Variants in ZNF610 observed in about 807,000 individuals in gnomAD.
ZNF610 encodes the protein zink finger protein.
In ZNF610, 14 loss-of-function variants were observed where a neutral mutation model predicts 14.1. That is an observed-to-expected ratio of 0.99 (90% CI 0.65 to 1.55). The LOEUF is 1.55. ZNF610 is among the 40% of genes most tolerant of loss of function. The pLI is 0.00. For missense variants in ZNF610, 530 were observed against 558.0 expected (o/e 0.95, Z 0.51); for synonymous variants, 185 against 187.6 (o/e 0.99, Z 0.11).
chr19:52,364,621 G>A (rs950202155), intron 5 of ZNF610, among the ~76,000 whole-genome samples: 2 of 152,176 alleles, frequency 1.3e-5, no homozygotes, highest in African/African-American at 4.8e-5. Context: ...AGAGTGCTGT[G>A]GCGCGATCTT....
chr19:52,335,794 C>T (rs1984346170), upstream of ZNF610, among the ~76,000 whole-genome samples: 1 of 152,130 alleles, frequency 6.6e-6, no homozygotes, highest in Admixed American at 6.5e-5. Flanking sequence ...TAACTTGCAT[C>T]GCCTTCACAC....
At chr19:52,358,721 A>C (rs1985646273) in intron 5 of ZNF610, among the ~76,000 whole-genome samples, 1 of 152,152 alleles carries the variant, frequency 6.6e-6, no homozygotes, top group Non-Finnish European at 1.5e-5. Flanking sequence ...CCAGGGAAGC[A>C]TTATTGAATC....
intron 3 of ZNF610, among the ~76,000 whole-genome samples, chr19:52,351,512 G>T (rs1239921440): frequency 6.6e-6 from 1 of 151,254 alleles, no homozygotes; most frequent in Non-Finnish European, 1.5e-5. Context: ...GCCTGGCGTG[G>T]TTCAGGGACC....
chr19:52,338,704 GTTTT>G (rs920987375), intron 1 of ZNF610, among the ~76,000 whole-genome samples: 1 of 151,338 alleles, frequency 6.6e-6, no homozygotes, highest in Admixed American at 6.6e-5. Context: ...TAGTAAACAT[GTTTT>G]TTTTTCTTTG....
intron 4 of ZNF610, 129 bp from the exon 5 acceptor site, chr19:52,354,122 G>T (rs1391753163): frequency 1.5e-6 from 2 of 1,296,808 alleles, no homozygotes; most frequent in Non-Finnish European, 2.1e-6. Flanking sequence ...TTCAGAAGGA[G>T]CCAGTCTGTG....
chr19:52,346,051 T>C (rs1984938703), intron 1 of ZNF610, among the ~76,000 whole-genome samples: 1 of 151,382 alleles, frequency 6.6e-6, no homozygotes, highest in African/African-American at 2.5e-5. Context: ...CAGGCTGGAA[T>C]GTAGTAGTGT....
intron 2 of ZNF610, among the ~76,000 whole-genome samples, chr19:52,348,828 T>A (rs1315570686): frequency 6.6e-6 from 1 of 152,106 alleles, no homozygotes; most frequent in Non-Finnish European, 1.5e-5. Context: ...CTGGGATCCA[T>A]AGAGAGGGGA....
intron 1 of ZNF610, among the ~76,000 whole-genome samples, chr19:52,343,099 A>G (rs912519111): frequency 2.0e-5 from 3 of 152,116 alleles, no homozygotes; most frequent in African/African-American, 7.2e-5. Context: ...TATGTCCAAA[A>G]GAGACCCTGA....
chr19:52,358,535 A>T (rs2122263721), intron 5 of ZNF610, among the ~76,000 whole-genome samples: 1 of 152,278 alleles, frequency 6.6e-6, no homozygotes, highest in African/African-American at 2.4e-5. Context: ...TAGGAGTTTT[A>T]TGTATTTTAG....
chr19:52,353,950 C>G, intron 4 of ZNF610, 142 bp downstream of exon 4: 1 of 1,172,450 alleles, frequency 8.5e-7, no homozygotes, highest in Non-Finnish European at 1.2e-6. Context: ...CTATTATGCT[C>G]TCTGGATTTG....
intron 5 of ZNF610, among the ~76,000 whole-genome samples, chr19:52,365,257 TTGTGACAGG>T (rs967343755): frequency 6.6e-6 from 1 of 150,716 alleles, no homozygotes; most frequent in Non-Finnish European, 1.5e-5. Flanking sequence ...AAAAAAAGAA[TTGTGACAGG>T]TGTGACAGGG....
At chr19:52,354,671 C>G (rs1297599217) in intron 5 of ZNF610, among the ~76,000 whole-genome samples, 1 of 148,494 alleles carries the variant, frequency 6.7e-6, no homozygotes, top group Non-Finnish European at 1.5e-5. Flanking sequence ...TTCTGCCTCC[C>G]AGGTTCAAGT....
chr19:52,334,538 T>C (rs1308211515), upstream of ZNF610, among the ~76,000 whole-genome samples: 1 of 151,944 alleles, frequency 6.6e-6, no homozygotes, highest in African/African-American at 2.4e-5. Context: ...TAAAGTAATT[T>C]ATAAAATTAA....
chr19:52,345,878 GTAT>G (rs986470494), intron 1 of ZNF610, among the ~76,000 whole-genome samples: 4 of 150,570 alleles, frequency 2.7e-5, no homozygotes, highest in African/African-American at 9.9e-5. Flanking sequence ...CTAATTTTTT[GTAT>G]TTTTAGTAGA....
chr19:52,360,343 C>T (rs966671491), intron 5 of ZNF610, among the ~76,000 whole-genome samples: 2 of 151,886 alleles, frequency 1.3e-5, no homozygotes, highest in African/African-American at 4.8e-5. Context: ...GAGTTATGAG[C>T]CAGGAACTGC....
In ZNF610 at chr19:52,365,990, T is replaced by G. The variant is rs745388148; in HGVS notation, c.612T>G (p.Tyr204Ter). The G allele has an allele frequency of 4.3e-6, 7 of 1,614,154 alleles. No individual in the cohort carries two copies. In the South Asian group the frequency reaches 6.6e-5, roughly 15 times the overall value. ...ACATTAGAGGAAAATCTTATGAATA[T>G]GAATGTAGTGAAGATGGTGAAGTTT... is the stretch of plus-strand genomic sequence containing the variant. Reference protein sequence around the residue: ...KAYIRGKSYEYECSEDGEVFR... With the variant: ...KAYIRGKSYE Residue 204 changes from tyrosine (Y) to a stop codon, truncating the protein, a stop_gained, in exon 6 of 6, where the codon TAT becomes TAG. Transcript: ENST00000403906. LOFTEE classifies it low-confidence loss of function (END_TRUNC).
At position 52,336,276 on chromosome 19, in the gene ZNF610, TCA is replaced by T. The variant is rs1474523170; in HGVS notation, c.-484_-483del. The T allele has an allele frequency of 3.7e-6, 1 of 273,258 alleles. No homozygotes were observed. Among genetic ancestry groups the T allele is most frequent in the African/African-American group, 2.4e-5 (1 of 42,420 alleles). The allele number at this position is 273,258 out of a possible 1,614,324, so 16.9% of individuals were successfully genotyped here. On this transcript the variant is annotated 5_prime_UTR_variant, in exon 1 of 6. Coordinates refer to ENST00000403906, the MANE Select transcript of ZNF610 (RefSeq NM_001161425.2). ...GGAAGCGGATCGCGTGGGTAGAAGG[TCA>T]CACCGCAGCGCGTCAGTTTCCCTTT...
intron 4 of ZNF610, 49 bp from the exon 5 acceptor site, chr19:52,354,202 G>A: frequency 6.2e-7 from 1 of 1,605,918 alleles, no homozygotes; most frequent in East Asian, 2.2e-5. Context: ...ACAGGGTTTG[G>A]GTTTTGGAAA....
intron 1 of ZNF610, among the ~76,000 whole-genome samples, chr19:52,343,242 A>G (rs1369627798): frequency 1.3e-5 from 2 of 152,224 alleles, no homozygotes; most frequent in Non-Finnish European, 2.9e-5. Flanking sequence ...GTTTTCATTT[A>G]TAATACAAAC....
Sources: gnomAD v4.1 joint callset for allele counts (sites outside exome capture counted in the v4.1 genomes callset) on GRCh38, gnomAD v4.1.1 for gene constraint, MANE v1.5 for transcripts, NCBI Gene and HGNC (gene_info 2026-07-23, HGNC 2026-07-21) for gene names.